Variants in CARF observed in about 807,000 individuals in gnomAD.
The protein encoded by CARF is calcium-responsive transcription factor.
CARF carries 57 observed loss-of-function variants against 82.0 expected under a neutral mutation model. The ratio of observed to expected loss-of-function variants is 0.70; its 90% CI spans 0.56 to 0.87. The LOEUF (loss-of-function observed/expected upper bound fraction) is 0.87. Among genes scored for constraint, CARF ranks in the 40% least tolerant of loss-of-function variants. The pLI is 0.00. For synonymous variants in CARF, 268 were observed against 290.1 expected (o/e 0.92, Z 0.77); for missense variants, 771 against 855.8 (o/e 0.90, Z 1.24).
intron 16 of CARF, 78 bp downstream of exon 16, chr2:202,982,519 C>T (rs2060308352): frequency 3.4e-6 from 5 of 1,487,506 alleles, no homozygotes; most frequent in Non-Finnish European, 4.6e-6. Context: ...ATAGATAAAA[C>T]TATTATTTCT....
intron 5 of CARF, 68 bp downstream of exon 5, chr2:202,943,035 CT>C (rs1441819246): frequency 7.6e-6 from 9 of 1,185,322 alleles, no homozygotes; most frequent in Non-Finnish European, 1.1e-5. Flanking sequence ...ACTAAATGAC[CT>C]TAATTTCTTG....
intron 13 of CARF, among the ~76,000 whole-genome samples, chr2:202,975,645 A>G (rs1176072102): frequency 6.6e-6 from 1 of 152,140 alleles, no homozygotes; most frequent in Non-Finnish European, 1.5e-5. Context: ...TTTTAAATCA[A>G]CATGTATTTT....
intron 8 of CARF, among the ~76,000 whole-genome samples, chr2:202,957,966 A>C (rs1450129984): frequency 3.3e-5 from 5 of 152,090 alleles, no homozygotes; most frequent in African/African-American, 4.8e-5. Flanking sequence ...TAAAAAATAA[A>C]ATTATTTACT....
At chr2:202,948,891 G>A (rs1275611165) in intron 5 of CARF, among the ~76,000 whole-genome samples, 5 of 152,142 alleles carry the variant, frequency 3.3e-5, no homozygotes. Flanking sequence ...ATGTTGAATA[G>A]GAGTGGTGAG....
In CARF at chr2:202,986,893, T is replaced by TATATACATATATATATATATATAC. The variant is rs2060463975; in HGVS notation, c.*3274_*3275insCATATATATATATATATACATATA. On this transcript the variant is annotated 3_prime_UTR_variant, in exon 17 of 17. Transcript: ENST00000438828. ...GTATATATATATATATATATATATATATATATATATATATAGCAACTTGAT... is the reference window on the plus strand; with the variant it reads ...GTATATATATATATATATATATATATATATACATATATATATATATATACATATATATATATATAGCAACTTGAT... 1 of 132,554 alleles carries TATATACATATATATATATATATAC rather than the reference T, an allele frequency of 7.5e-6. No individual in the cohort carries two copies. The highest frequency in any genetic ancestry group is 1.6e-5 in the Non-Finnish European group (1 of 61,260). The allele number at this position is 132,554 out of a possible 1,614,324, so 8.2% of individuals were successfully genotyped here. A position where few individuals can be genotyped will look rare whatever the true frequency, so the allele number is the denominator to read the frequency against.
intron 3 of CARF, chr2:202,925,317 G>T (rs1299530627): frequency 2.9e-6 from 1 of 344,760 alleles, no homozygotes; most frequent in Non-Finnish European, 5.7e-6. Context: ...TCATTCAGCT[G>T]TATGAAGAGG....
At position 202,984,037 on chromosome 2, in the gene CARF, T is replaced by C. The variant is rs2105952628; in HGVS notation, c.*413T>C. On this transcript the variant is annotated 3_prime_UTR_variant, in exon 17 of 17. Coordinates refer to ENST00000438828, the MANE Select transcript of CARF (RefSeq NM_024744.17). ...TGTGTGTATGTATATCATGAATTTT[T>C]TTTTTAAGTTCTGAAAAAGAACTTG... 1 of 153,100 alleles carries C rather than the reference T, an allele frequency of 6.5e-6. No homozygotes were observed. Among genetic ancestry groups the C allele is most frequent in the South Asian group, 2.1e-4 (1 of 4,846 alleles). 9.5% of individuals were successfully genotyped at this position (153,100 alleles called of 1,614,324 possible). A position where few individuals can be genotyped will look rare whatever the true frequency, so the allele number is the denominator to read the frequency against.
chr2:202,980,279 T>C (rs536887473), intron 14 of CARF, among the ~76,000 whole-genome samples: 52 of 152,234 alleles, frequency 3.4e-4, no homozygotes, highest in Non-Finnish European at 6.5e-4. Flanking sequence ...CTTCACTGAC[T>C]TAAAGAGATG....
chr2:202,983,120 A>G (rs541521142), intron 16 of CARF, among the ~76,000 whole-genome samples: 2 of 151,960 alleles, frequency 1.3e-5, no homozygotes, highest in Admixed American at 1.3e-4. Flanking sequence ...GGCTCAAGCA[A>G]TCCTCCCACC....
Position 202,941,938 on chromosome 2 carries a change from T to A in CARF, c.36T>A (p.His12Gln). 6.2e-7 allele frequency: 1 copy of A among 1,613,600 alleles called. No individual in the cohort carries two copies. Among genetic ancestry groups the A allele is most frequent in the Non-Finnish European group, 8.5e-7 (1 of 1,179,712 alleles). ...CTAATGATTCATTAAGAGTCAACCA[T>A]AATGACGGTGAAGAGTCAAAAACCA... ...EQSNDSLRVNHNDGEESKTSA... is the reference protein window; with the variant it reads ...EQSNDSLRVNQNDGEESKTSA... The change falls in exon 4 of 17, where the codon CAT becomes CAA. Residue 12 changes from histidine (H) to glutamine (Q), a missense_variant. By Grantham distance (24) the His-to-Gln change is conservative (BLOSUM62 0). Transcript: ENST00000438828.
intron 3 of CARF, among the ~76,000 whole-genome samples, chr2:202,940,957 G>GT (rs1213030347): frequency 4.6e-5 from 7 of 151,576 alleles, no homozygotes; most frequent in South Asian, 4.2e-4. Flanking sequence ...TAGCAAGACA[G>GT]TTTTTTTTAC....
In CARF at chr2:202,981,801, T is replaced by C. The variant is rs578251717; in HGVS notation, c.1689+116T>C. 2.3e-5 allele frequency: 23 copies of C among 1,015,498 alleles called. No homozygotes were observed. The African/African-American group carries it at 3.3e-4, about 14-fold the overall frequency. The allele number at this position is 1,015,498 out of a possible 1,614,324, so 62.9% of individuals were successfully genotyped here. On this transcript the variant is annotated intron_variant, in intron 15 of 16. Transcript: ENST00000438828. ...ACAGAATTATAATAATGATGAAATA[T>C]GTTTTCATTGTTAATTTCCTGATCT... is the stretch of plus-strand genomic sequence containing the variant.
At chr2:202,926,239 C>G (rs1157654924) in intron 3 of CARF, among the ~76,000 whole-genome samples, 1 of 152,112 alleles carries the variant, frequency 6.6e-6, no homozygotes, top group Non-Finnish European at 1.5e-5. Context: ...TTAAGGGAAC[C>G]TAGGGTGGTT....
intron 7 of CARF, among the ~76,000 whole-genome samples, chr2:202,955,045 A>T (rs1341459356): frequency 6.6e-6 from 1 of 152,118 alleles, no homozygotes; most frequent in Admixed American, 6.6e-5. Flanking sequence ...ATAGTTCCTA[A>T]ATTTTTAAAT....
intron 11 of CARF, among the ~76,000 whole-genome samples, chr2:202,970,950 T>A (rs1307101002): frequency 6.6e-6 from 1 of 151,888 alleles, no homozygotes; most frequent in Non-Finnish European, 1.5e-5. Flanking sequence ...CTGGGAGTGC[T>A]GTAGAGGCAG....
chr2:202,953,029 T>G (rs1298115392), intron 6 of CARF, among the ~76,000 whole-genome samples: 1 of 152,162 alleles, frequency 6.6e-6, no homozygotes, highest in Non-Finnish European at 1.5e-5. Flanking sequence ...TATATCTTTT[T>G]TTTTGGAGGC....
chr2:202,919,520 A>ACTACAATGC, intron 2 of CARF, among the ~76,000 whole-genome samples: 1 of 152,304 alleles, frequency 6.6e-6, no homozygotes, highest in East Asian at 1.9e-4. Flanking sequence ...TTTTTCAGTG[A>ACTACAATGC]CTACAATGCC....
At position 202,983,667 on chromosome 2, in the gene CARF, A is replaced by T. The variant is rs766365967; in HGVS notation, c.*43A>T. The T allele has an allele frequency of 6.5e-6, 8 of 1,231,458 alleles. No individual in the cohort carries two copies. Among genetic ancestry groups the T allele is most frequent in the African/African-American group, 3.0e-5 (2 of 66,210 alleles). 76.3% of individuals were successfully genotyped at this position (1,231,458 alleles called of 1,614,324 possible). On this transcript the variant is annotated 3_prime_UTR_variant, in exon 17 of 17. Coordinates refer to ENST00000438828, the MANE Select transcript of CARF (RefSeq NM_024744.17). ...GAATTTACAACTCTGGTGACTTCTGATGTCTTAGAAAGGAAGGTGAATATA... is the reference window on the plus strand; with the variant it reads ...GAATTTACAACTCTGGTGACTTCTGTTGTCTTAGAAAGGAAGGTGAATATA...
chr2:202,914,841 A>T (rs1268354960), intron 1 of CARF, among the ~76,000 whole-genome samples: 1 of 152,014 alleles, frequency 6.6e-6, no homozygotes, highest in East Asian at 1.9e-4. Flanking sequence ...AGAGTAAAAC[A>T]TGGGTAGAAA....
Sources: allele counts gnomAD v4.1 joint callset (sites outside exome capture counted in the v4.1 genomes callset), GRCh38; gene constraint gnomAD v4.1.1; transcripts MANE v1.5; gene names NCBI Gene and HGNC (gene_info 2026-07-23, HGNC 2026-07-21).